Variants in CNTNAP2 observed in about 807,000 individuals in gnomAD.
CNTNAP2 encodes the protein contactin-associated protein-like 2.
In CNTNAP2, 98 loss-of-function variants were observed where a neutral mutation model predicts 155.2. The ratio of observed to expected loss-of-function variants is 0.63; its 90% CI spans 0.54 to 0.75. The LOEUF (loss-of-function observed/expected upper bound fraction) is 0.75, where lower values mean the gene tolerates loss of function less well. CNTNAP2 is among the 30% of genes least tolerant of loss of function. CNTNAP2 has a pLI of 0.00. For synonymous variants in CNTNAP2, 651 were observed against 631.2 expected (o/e 1.03, Z -0.47); for missense variants, 1,727 against 1,688.1 (o/e 1.02, Z -0.40).
intron 1 of CNTNAP2, among the ~76,000 whole-genome samples, chr7:146,749,914 G>A (rs1801874103): frequency 1.3e-5 from 2 of 152,066 alleles, no homozygotes; most frequent in Non-Finnish European, 2.9e-5. Flanking sequence ...CAATGCTATG[G>A]CATGTTTTCA....
In CNTNAP2 at chr7:147,989,406, T is replaced by A. The variant is rs117511467; in HGVS notation, c.2383+11417T>A. ...GCTGCAAATGAGAATAATTGTAACA[T>A]CACTGAGTTTGCTCCAGTAAAGCCT... On this transcript the variant is annotated intron_variant, in intron 15 of 23. Transcript: ENST00000361727. Among the ~76,000 whole-genome samples, 1,016 of 152,320 alleles carry A rather than the reference T, an allele frequency of 6.7e-3. 6 individuals carry two copies. Among genetic ancestry groups the A allele is most frequent in the Middle Eastern group, 0.014 (4 of 294 alleles).
At chr7:146,484,061 C>A (rs967081848) in intron 1 of CNTNAP2, among the ~76,000 whole-genome samples, 1 of 152,068 alleles carries the variant, frequency 6.6e-6, no homozygotes, top group Non-Finnish European at 1.5e-5. Flanking sequence ...ATCTTTAATG[C>A]CATATTTTTA....
intron 1 of CNTNAP2, among the ~76,000 whole-genome samples, chr7:146,668,439 T>TGG (rs1554465248): frequency 6.6e-4 from 89 of 135,200 alleles, no homozygotes; most frequent in Non-Finnish European, 1.1e-3. Context: ...TGTGTGTGTG[T>TGG]GTGTGTGTGT....
At chr7:146,617,038 G>GTTTTA (rs1799238051) in intron 1 of CNTNAP2, among the ~76,000 whole-genome samples, 1 of 83,174 alleles carries the variant, frequency 1.2e-5, no homozygotes, top group Non-Finnish European at 2.5e-5. Context: ...TGTTTGTTTT[G>GTTTTA]AGACGGAGTC....
intron 16 of CNTNAP2, among the ~76,000 whole-genome samples, chr7:148,132,481 A>T (rs1804852192): frequency 6.6e-6 from 1 of 151,550 alleles, no homozygotes; most frequent in South Asian, 2.1e-4. Flanking sequence ...AATGTATTTT[A>T]ATGTAGACAC....
intron 15 of CNTNAP2, among the ~76,000 whole-genome samples, chr7:148,065,286 C>G (rs189186627): frequency 2.6e-5 from 4 of 152,214 alleles, no homozygotes; most frequent in Non-Finnish European, 5.9e-5. Flanking sequence ...GTGGAATGTT[C>G]TGTAAATATC....
At chr7:148,413,448 T>C (rs1380483931) in intron 23 of CNTNAP2, among the ~76,000 whole-genome samples, 1 of 101,478 alleles carries the variant, frequency 9.9e-6, no homozygotes, top group Admixed American at 9.2e-5. Context: ...ATATATATAT[T>C]GCTCCATAGT....
chr7:147,022,140 A>G (rs1488587358), intron 3 of CNTNAP2, among the ~76,000 whole-genome samples: 1 of 152,130 alleles, frequency 6.6e-6, no homozygotes, highest in African/African-American at 2.4e-5. Flanking sequence ...AGAATTACAA[A>G]CAGTATCTCA....
chr7:147,541,219 CTT>C (rs1476971487), intron 11 of CNTNAP2, among the ~76,000 whole-genome samples: 1 of 152,130 alleles, frequency 6.6e-6, no homozygotes, highest in African/African-American at 2.4e-5. Flanking sequence ...ATCTTTGACT[CTT>C]AGTATAATGC....
chr7:146,269,117 A>G (rs913979212), intron 1 of CNTNAP2, among the ~76,000 whole-genome samples: 35 of 152,072 alleles, frequency 2.3e-4, no homozygotes, highest in Non-Finnish European at 4.7e-4. Flanking sequence ...TGAGGTGGGC[A>G]GGTCACGAGG....
intron 12 of CNTNAP2, among the ~76,000 whole-genome samples, chr7:147,617,546 T>C (rs1225319447): frequency 1.3e-5 from 2 of 152,112 alleles, no homozygotes; most frequent in African/African-American, 2.4e-5. Flanking sequence ...TATCTGCATA[T>C]TGCCCCTCCC....
intron 3 of CNTNAP2, among the ~76,000 whole-genome samples, chr7:146,840,514 T>G (rs531312441): frequency 1.3e-5 from 2 of 152,228 alleles, no homozygotes; most frequent in East Asian, 3.9e-4. Context: ...AAAATTTAAG[T>G]GTTCTACTTT....
intron 1 of CNTNAP2, among the ~76,000 whole-genome samples, chr7:146,410,612 G>A (rs764405763): frequency 1.4e-4 from 21 of 152,072 alleles, no homozygotes; most frequent in Non-Finnish European, 2.5e-4. Flanking sequence ...TATTAAGCCT[G>A]GTAACAGTTA....
intron 13 of CNTNAP2, among the ~76,000 whole-genome samples, chr7:147,824,732 C>CT (rs55978737): frequency 3.3e-5 from 5 of 151,418 alleles, no homozygotes; most frequent in South Asian, 4.2e-4. Flanking sequence ...TACCAGCTTC[C>CT]TTTTTTTTTC....
chr7:146,626,110 C>T (rs951635977), intron 1 of CNTNAP2, among the ~76,000 whole-genome samples: 8 of 152,110 alleles, frequency 5.3e-5, no homozygotes, highest in African/African-American at 1.9e-4. Context: ...ATTAGACTCA[C>T]ATTTGCACAC....
At chr7:147,540,009 ACTCT>A (rs751320307) in intron 11 of CNTNAP2, among the ~76,000 whole-genome samples, 2 of 152,124 alleles carry the variant, frequency 1.3e-5, no homozygotes, top group African/African-American at 4.8e-5. Flanking sequence ...TCCACTGTTA[ACTCT>A]CTCATGTCTA....
chr7:147,907,741 G>A lies in CNTNAP2; in HGVS notation c.2255+4020G>A, dbSNP rs952923088. The stretch of plus-strand genomic sequence containing the variant: ...GCCTTCTATAAATTATACTATATGG[G>A]ATAGTTATTTGCAATTCTATTGCAT... On this transcript the variant is annotated intron_variant, in intron 14 of 23. Transcript: ENST00000361727. Among the ~76,000 whole-genome samples the A allele has an allele frequency of 1.3e-4, 19 of 151,938 alleles. No individual in the cohort carries two copies. In the East Asian group the frequency reaches 2.9e-3, roughly 23 times the overall value.
intron 15 of CNTNAP2, among the ~76,000 whole-genome samples, chr7:148,062,008 T>C: frequency 1.3e-5 from 1 of 78,624 alleles, no homozygotes; most frequent in Admixed American, 1.3e-4. Context: ...GATAGATAGA[T>C]GATAGAGAGA....
chr7:148,194,256 C>T (rs918941529), intron 18 of CNTNAP2, among the ~76,000 whole-genome samples: 3 of 151,884 alleles, frequency 2.0e-5, no homozygotes, highest in Non-Finnish European at 4.4e-5. Context: ...CTTTGGTCCC[C>T]AAAGTGTTGA....
Sources: gnomAD v4.1 joint callset for allele counts (sites outside exome capture counted in the v4.1 genomes callset) on GRCh38, gnomAD v4.1.1 for gene constraint, MANE v1.5 for transcripts, NCBI Gene and HGNC (gene_info 2026-07-23, HGNC 2026-07-21) for gene names.